BAMBI: variants seen among roughly 807,000 people sequenced by gnomAD.
BAMBI encodes the protein BMP and activin membrane bound inhibitor, also known as BMP and activin membrane-bound inhibitor homolog.
In BAMBI, 21 loss-of-function variants were observed where a neutral mutation model predicts 24.1. That is an observed-to-expected ratio of 0.87 (90% CI 0.62 to 1.26). BAMBI has a LOEUF of 1.26. Ranked by LOEUF, BAMBI falls within the 50% of genes most tolerant of loss-of-function variation. BAMBI has a pLI of 0.00. For synonymous variants in BAMBI, 156 were observed against 123.1 expected (o/e 1.27, Z -1.77); for missense variants, 388 against 329.1 (o/e 1.18, Z -1.38).
Position 28,681,531 on chromosome 10 carries a change from G to A in BAMBI, c.350G>A (p.Arg117Lys). The change falls in exon 2 of 3, where the codon AGG (arginine) becomes AAG (lysine). Residue 117 changes from arginine to lysine, a missense_variant. Arg to Lys is a conservative substitution (Grantham distance 26). Coordinates refer to ENST00000375533, the MANE Select transcript of BAMBI (RefSeq NM_012342.3). ...CTGCACGATGTTCTCTCTCCTCCCA[G>A]GGGTGAGGCCTCAGGTAGGTGGAAG... ...RGLHDVLSPP[R>K]GEASGQGNRY... 3 of 1,613,768 alleles carry A rather than the reference G, an allele frequency of 1.9e-6. No homozygotes were observed. The highest frequency in any genetic ancestry group is 2.5e-6 in the Non-Finnish European group (3 of 1,179,824).
At chr10:28,679,692 T>C (rs1195855933) in intron 1 of BAMBI, among the ~76,000 whole-genome samples, 1 of 152,234 alleles carries the variant, frequency 6.6e-6, no homozygotes, top group African/African-American at 2.4e-5. Flanking sequence ...AGGGTCAAAA[T>C]GGGCTTTTAA....
chr10:28,679,294 A>G (rs1463632389), intron 1 of BAMBI, among the ~76,000 whole-genome samples: 1 of 152,184 alleles, frequency 6.6e-6, no homozygotes, highest in Non-Finnish European at 1.5e-5. Flanking sequence ...AAAGCTTTAA[A>G]AGAAGCCAGC....
intron 1 of BAMBI, among the ~76,000 whole-genome samples, chr10:28,679,455 C>CTTTA (rs573677332): frequency 6.6e-6 from 1 of 152,058 alleles, no homozygotes; most frequent in Non-Finnish European, 1.5e-5. Flanking sequence ...CAGGAAGAAA[C>CTTTA]TTTATGAACG....
rs113869417 is a variant in BAMBI, at chr10:28,682,577, C to T, written c.*176C>T. On this transcript the variant is annotated 3_prime_UTR_variant, in exon 3 of 3. Coordinates refer to ENST00000375533, the MANE Select transcript of BAMBI (RefSeq NM_012342.3). ...AGGATTATTTGCACAGACTTAAATA[C>T]AGTTAAATGTGTTATTTGCTTTTAA... 3.5e-6 allele frequency: 2 copies of T among 574,074 alleles called. No homozygotes were observed. The highest frequency in any genetic ancestry group is 2.2e-5 in the African/African-American group (1 of 46,328). 35.6% of individuals were successfully genotyped at this position (574,074 alleles called of 1,614,324 possible). A position where few individuals can be genotyped will look rare whatever the true frequency, so the allele number is the denominator to read the frequency against.
chr10:28,679,743 C>CA, intron 1 of BAMBI, among the ~76,000 whole-genome samples: 1 of 152,240 alleles, frequency 6.6e-6, no homozygotes, highest in East Asian at 1.9e-4. Flanking sequence ...TGGAATTTGT[C>CA]AAACTAGGGA....
At chr10:28,678,549 GTC>G (rs939555049) in intron 1 of BAMBI, among the ~76,000 whole-genome samples, 136 of 152,200 alleles carry the variant, frequency 8.9e-4, no homozygotes, top group African/African-American at 2.9e-3. Flanking sequence ...GAATGTGTGA[GTC>G]TCTGTATCTC....
At position 28,682,436 on chromosome 10, in the gene BAMBI, T is replaced by C. The variant is rs773892915; in HGVS notation, c.*35T>C. 2 of 1,567,202 alleles carry C rather than the reference T, an allele frequency of 1.3e-6. No homozygotes were observed. Among genetic ancestry groups the C allele is most frequent in the Non-Finnish European group, 1.7e-6 (2 of 1,150,774 alleles). On this transcript the variant is annotated 3_prime_UTR_variant, in exon 3 of 3. Transcript: ENST00000375533. ...ATCTGAACTACACTTACTGAACAGC[T>C]TGAAGGCCTTTTGAGTTCTGCTGGA...
In BAMBI at chr10:28,682,490, A is replaced by G. The variant is rs752640855; in HGVS notation, c.*89A>G. 69 of 1,233,694 alleles carry G rather than the reference A, an allele frequency of 5.6e-5. No individual in the cohort carries two copies. Among genetic ancestry groups the G allele is most frequent in the Non-Finnish European group, 7.4e-5 (65 of 880,980 alleles). 76.4% of individuals were successfully genotyped at this position (1,233,694 alleles called of 1,614,324 possible). On this transcript the variant is annotated 3_prime_UTR_variant, in exon 3 of 3. Transcript: ENST00000375533. ...GAGCACTTTATCTGAAGACAAACTC[A>G]TTTAATCATCTTTGAGAGACAAAAT...
In BAMBI at chr10:28,682,289, A is replaced by T. The variant is rs1348989998; in HGVS notation, c.671A>T (p.Asn224Ile). The change falls in exon 3 of 3, where the codon AAC (asparagine) becomes ATC (isoleucine). Residue 224 changes from asparagine to isoleucine, a missense_variant. Asn to Ile is a moderately radical substitution (Grantham distance 149). Coordinates refer to ENST00000375533, the MANE Select transcript of BAMBI (RefSeq NM_012342.3). ...ATGGTGCCGGTCAGTGGGCACGAGA[A>T]CTGCTGTCTGACCTGTGATAAAATG... ...ECMVPVSGHE[N>I]CCLTCDKMRQ... is the part of the protein sequence containing the mutation. 1 of 1,614,010 alleles carries T rather than the reference A, an allele frequency of 6.2e-7. No homozygotes were observed.
Position 28,682,356 on chromosome 10 carries a change from T to C in BAMBI, c.738T>C (p.Val246=). The change falls in exon 3 of 3, where the codon GTT becomes GTC. Residue 246 remains valine (V), a synonymous_variant. Transcript: ENST00000375533. Reference sequence around the variant, plus strand: ...GCAACGATAAGATCCTCTCGCTTGTTCACTGGGGCATGTACAGTGGGCACG... The same window carrying C: ...GCAACGATAAGATCCTCTCGCTTGTCCACTGGGGCATGTACAGTGGGCACG... ...DLSNDKILSL[V]HWGMYSGHGK... 1 of 1,614,080 alleles carries C rather than the reference T, an allele frequency of 6.2e-7. No individual in the cohort carries two copies.
intron 2 of BAMBI, 78 bp downstream of exon 2, chr10:28,681,623 A>C (rs529624118): frequency 5.5e-5 from 80 of 1,466,804 alleles, no homozygotes; most frequent in Non-Finnish European, 7.3e-5. Flanking sequence ...TATGTCTGCT[A>C]TTGATTTTGT....
Position 28,681,267 on chromosome 10 carries a change from G to C in BAMBI, c.86G>C (p.Arg29Pro), listed in dbSNP as rs764589872. The change falls in exon 2 of 3, where the codon CGA (arginine) becomes CCA (proline). Residue 29 changes from arginine (R) to proline (P), a missense_variant. Transcript: ENST00000375533. ...TTCTCATTGTTTTCAGGTGAAATTC[G>C]ATGCTACTGTGATGCTGCCCACTGT... ...MAVLLTKGEI[R>P]CYCDAAHCVA... 8.1e-6 allele frequency: 13 copies of C among 1,610,106 alleles called. No individual in the cohort carries two copies. Among genetic ancestry groups the C allele is most frequent in the Non-Finnish European group, 1.1e-5 (13 of 1,178,370 alleles).
intron 1 of BAMBI, among the ~76,000 whole-genome samples, chr10:28,679,535 A>G (rs1237346358): frequency 6.6e-6 from 1 of 152,010 alleles, no homozygotes; most frequent in Admixed American, 6.6e-5. Context: ...CTCCAATTAA[A>G]AAAAAAAGGT....
In BAMBI at chr10:28,677,573, C is replaced by T. The variant is rs949200545; in HGVS notation, c.-325C>T. On this transcript the variant is annotated 5_prime_UTR_variant, in exon 1 of 3. Transcript: ENST00000375533. The stretch of plus-strand genomic sequence containing the variant: ...GATACCCTTGCGTGCTGTGGAGACC[C>T]TACTCTCTTCGCTGAGAACGGCCGC... 1.1e-5 allele frequency: 2 copies of T among 183,356 alleles called. No homozygotes were observed. Among genetic ancestry groups the T allele is most frequent in the Non-Finnish European group, 2.2e-5 (2 of 89,206 alleles). 11.4% of individuals were successfully genotyped at this position (183,356 alleles called of 1,614,324 possible). A position where few individuals can be genotyped will look rare whatever the true frequency, so the allele number is the denominator to read the frequency against.
chr10:28,678,221 C>T (rs1280021903), intron 1 of BAMBI, among the ~76,000 whole-genome samples: 1 of 152,200 alleles, frequency 6.6e-6, no homozygotes, highest in Non-Finnish European at 1.5e-5. Flanking sequence ...CGTTTGCAGC[C>T]CAGCGGGGAG....
In BAMBI at chr10:28,682,634, A is replaced by G; in HGVS notation, c.*233A>G. ...AAAAAGCAAAGAGAAGACTTTGTAC[A>G]CACTGTCACCAGGGTTATTTGCATC... On this transcript the variant is annotated 3_prime_UTR_variant, in exon 3 of 3. Transcript: ENST00000375533. 2.2e-6 allele frequency: 1 copy of G among 446,928 alleles called. No individual in the cohort carries two copies. The highest frequency in any genetic ancestry group is 3.4e-5 in the East Asian group (1 of 29,276). 27.7% of individuals were successfully genotyped at this position (446,928 alleles called of 1,614,324 possible).
chr10:28,679,236 T>A (rs1234097258), intron 1 of BAMBI, among the ~76,000 whole-genome samples: 1 of 149,326 alleles, frequency 6.7e-6, no homozygotes, highest in Admixed American at 6.6e-5. Context: ...ATGTGCCTGA[T>A]AATGATATAA....
In BAMBI at chr10:28,677,747, G is replaced by A. The variant is rs981286787; in HGVS notation, c.-151G>A. 4.8e-5 allele frequency: 18 copies of A among 373,030 alleles called. No homozygotes were observed. Among genetic ancestry groups the A allele is most frequent in the Admixed American group, 2.0e-4 (4 of 19,802 alleles). 23.1% of individuals were successfully genotyped at this position (373,030 alleles called of 1,614,324 possible). A position where few individuals can be genotyped will look rare whatever the true frequency, so the allele number is the denominator to read the frequency against. ...GGCGCGCCCTGTAGCCGCGCTCCAT[G>A]CTCCGGCAGCGGCCCGAAACCCAGC... On this transcript the variant is annotated 5_prime_UTR_variant, in exon 1 of 3. The change abolishes an upstream ATG in the 5' untranslated region. Transcript: ENST00000375533.
In BAMBI at chr10:28,677,889, G is replaced by C; in HGVS notation, c.-9G>C. ...GCCGGCGGGGGCGCCGCGGCCGTGC[G>C]GGGCGTCAATGGATCGCCACTCCAG... On this transcript the variant is annotated 5_prime_UTR_variant, in exon 1 of 3. Transcript: ENST00000375533. The C allele has an allele frequency of 6.7e-7, 1 of 1,502,638 alleles. No homozygotes were observed. The highest frequency in any genetic ancestry group is 1.2e-5 in the South Asian group (1 of 80,610). 93.1% of individuals were successfully genotyped at this position (1,502,638 alleles called of 1,614,324 possible).
Sources: allele counts gnomAD v4.1 joint callset (sites outside exome capture counted in the v4.1 genomes callset), GRCh38; gene constraint gnomAD v4.1.1; transcripts MANE v1.5; gene names NCBI Gene and HGNC (gene_info 2026-07-23, HGNC 2026-07-21).